ATG10: variants seen among roughly 807,000 people sequenced by gnomAD.
ATG10 encodes the protein autophagy related 10.
In ATG10, 30 loss-of-function variants were observed where a neutral mutation model predicts 32.1. The observed-to-expected ratio is 0.94, with a 90% CI of 0.70 to 1.27. ATG10 has a LOEUF of 1.27. Among genes scored for constraint, ATG10 ranks in the 50% most tolerant of loss-of-function variants. The pLI, the probability that ATG10 is intolerant of heterozygous loss-of-function variation, is 0.00. For missense variants in ATG10, 233 were observed against 262.3 expected (o/e 0.89, Z 0.77); for synonymous variants, 87 against 91.5 (o/e 0.95, Z 0.28).
rs539595838 is a variant in ATG10 at position 81,976,534 on chromosome 5, A to C, written c.-13+4228A>C. ...TTCTAGGAAAATGAAACTTTAGCTT[A>C]ACCAATCAGAAACCATCAACTAACC... On this transcript the variant is annotated intron_variant, in intron 1 of 7. Transcript: ENST00000282185. Among the ~76,000 whole-genome samples the C allele has an allele frequency of 9.2e-5, 14 of 152,326 alleles. No homozygotes were observed. In the East Asian group the frequency reaches 2.7e-3, roughly 29 times the overall value.
intron 3 of ATG10, among the ~76,000 whole-genome samples, chr5:82,152,582 A>G (rs960587328): frequency 1.3e-5 from 2 of 152,224 alleles, no homozygotes; most frequent in Non-Finnish European, 2.9e-5. Context: ...GGGTGAGGGT[A>G]GAGGGCCAGC....
chr5:82,119,189 G>C (rs918994999), intron 3 of ATG10, among the ~76,000 whole-genome samples: 1 of 152,110 alleles, frequency 6.6e-6, no homozygotes, highest in Non-Finnish European at 1.5e-5. Flanking sequence ...CTGACTATGA[G>C]AAGACAAAAT....
chr5:81,973,322 G>T (rs1046264967), intron 1 of ATG10: 2 of 152,172 alleles, frequency 1.3e-5, no homozygotes, highest in African/African-American at 4.8e-5. Context: ...TAGAGACGGG[G>T]TTTCACCATA....
In ATG10 at chr5:82,252,584, C is replaced by G. The variant is rs1488341595; in HGVS notation, c.476C>G (p.Pro159Arg). ...CAGGAACATCCAATACTTGGGCAACCCTTTTTTGTACTTCATCCCTGCAAG... is the reference window on the plus strand; with the variant it reads ...CAGGAACATCCAATACTTGGGCAACGCTTTTTTGTACTTCATCCCTGCAAG... ...TQQEHPILGQ[P>R]FFVLHPCKTN... The change falls in exon 6 of 8, where the codon CCC becomes CGC. Residue 159 changes from proline (P) to arginine (R), a missense_variant. Pro to Arg is a moderately radical substitution (Grantham distance 103). Coordinates refer to ENST00000282185, the MANE Select transcript of ATG10 (RefSeq NM_031482.5). The G allele has an allele frequency of 1.2e-6, 2 of 1,608,730 alleles. No homozygotes were observed. Among genetic ancestry groups the G allele is most frequent in the Admixed American group, 1.7e-5 (1 of 59,462 alleles).
At chr5:82,188,679 A>AC (rs1013273319) in intron 5 of ATG10, among the ~76,000 whole-genome samples, 18 of 152,260 alleles carry the variant, frequency 1.2e-4, no homozygotes, top group African/African-American at 4.1e-4. Context: ...GCTGGGGGTG[A>AC]GGACCAGAGG....
intron 3 of ATG10, among the ~76,000 whole-genome samples, chr5:82,136,722 A>T (rs1766769732): frequency 6.6e-6 from 1 of 151,952 alleles, no homozygotes; most frequent in Non-Finnish European, 1.5e-5. Flanking sequence ...TTTCTTTGTG[A>T]TATTCTCTGA....
At chr5:82,094,391 A>G (rs1764986234) in intron 3 of ATG10, among the ~76,000 whole-genome samples, 5 of 152,128 alleles carry the variant, frequency 3.3e-5, no homozygotes, top group Admixed American at 3.3e-4. Context: ...TGATATTTGC[A>G]TTTTACCATA....
intron 3 of ATG10, among the ~76,000 whole-genome samples, chr5:82,081,124 A>G (rs1252769902): frequency 1.3e-5 from 2 of 152,158 alleles, no homozygotes; most frequent in Non-Finnish European, 2.9e-5. Flanking sequence ...CTTTGAAGCA[A>G]TTGTGAATGG....
chr5:82,030,918 G>A (rs1275098614), intron 2 of ATG10, among the ~76,000 whole-genome samples: 1 of 151,822 alleles, frequency 6.6e-6, no homozygotes, highest in Non-Finnish European at 1.5e-5. Flanking sequence ...ATTCATGATA[G>A]GTATCATCTC....
chr5:82,138,293 CT>C (rs1161177091), intron 3 of ATG10, among the ~76,000 whole-genome samples: 1 of 152,224 alleles, frequency 6.6e-6, no homozygotes, highest in African/African-American at 2.4e-5. Flanking sequence ...ACTCCTGCAG[CT>C]ACCTTGGTGT....
intron 3 of ATG10, among the ~76,000 whole-genome samples, chr5:82,110,033 C>A (rs1391189284): frequency 2.7e-5 from 4 of 150,056 alleles, no homozygotes; most frequent in Non-Finnish European, 4.4e-5. Flanking sequence ...CCCACCTATG[C>A]GTGAGAACAT....
At chr5:82,061,600 G>C (rs146321812) in intron 3 of ATG10, among the ~76,000 whole-genome samples, 1 of 150,746 alleles carries the variant, frequency 6.6e-6, no homozygotes, top group Non-Finnish European at 1.5e-5. Context: ...AGATGCCTCT[G>C]TATTTTGATA....
chr5:82,036,033 T>C (rs1048207091), intron 2 of ATG10, among the ~76,000 whole-genome samples: 1 of 152,090 alleles, frequency 6.6e-6, no homozygotes, highest in Admixed American at 6.5e-5. Context: ...CCTACACCTT[T>C]ATAATTTTAA....
At chr5:82,020,099 G>C (rs1471085429) in intron 2 of ATG10, among the ~76,000 whole-genome samples, 1 of 152,234 alleles carries the variant, frequency 6.6e-6, no homozygotes, top group Non-Finnish European at 1.5e-5. Flanking sequence ...CAACCAGGGA[G>C]TGTCACAGAA....
intron 3 of ATG10, among the ~76,000 whole-genome samples, chr5:82,105,955 T>G (rs1235409231): frequency 6.6e-6 from 1 of 152,182 alleles, no homozygotes; most frequent in Non-Finnish European, 1.5e-5. Flanking sequence ...ATTTTTAGTG[T>G]CTAAAAATTA....
At chr5:82,014,566 C>T (rs1762225402) in intron 2 of ATG10, among the ~76,000 whole-genome samples, 1 of 152,126 alleles carries the variant, frequency 6.6e-6, no homozygotes, top group African/African-American at 2.4e-5. Context: ...TTGAATTGAT[C>T]CCTTTACCAT....
chr5:82,094,448 G>A (rs1376914442), intron 3 of ATG10, among the ~76,000 whole-genome samples: 1 of 152,022 alleles, frequency 6.6e-6, no homozygotes, highest in South Asian at 2.1e-4. Context: ...GTGACAAAAC[G>A]GGTACTAATA....
chr5:82,055,572 C>A (rs1194702248), intron 2 of ATG10, among the ~76,000 whole-genome samples: 1 of 152,050 alleles, frequency 6.6e-6, no homozygotes, highest in Non-Finnish European at 1.5e-5. Flanking sequence ...TTGAAAAATA[C>A]AAAATAGAGC....
chr5:81,993,336 C>CTTTCTTTCTTTCTTTCTTTCTTTCTTTCT (rs1554039309), intron 2 of ATG10, among the ~76,000 whole-genome samples: 1 of 77,674 alleles, frequency 1.3e-5, no homozygotes, highest in African/African-American at 6.4e-5. Context: ...TCCTTCCTTC[C>CTTTCTTTCTTTCTTTCTTTCTTTCTTTCT]TTCTTTCTTT....
Sources: allele counts gnomAD v4.1 joint callset (sites outside exome capture counted in the v4.1 genomes callset), GRCh38; gene constraint gnomAD v4.1.1; transcripts MANE v1.5; gene names NCBI Gene and HGNC (gene_info 2026-07-23, HGNC 2026-07-21).